The following RPAP1 variants were observed in gnomAD, a reference collection of about 807,000 sequenced individuals.
The protein encoded by RPAP1 is RNA polymerase II associated protein 1, also known as RNA polymerase II-associated protein 1.
Under a neutral mutation model 142.4 loss-of-function variants are expected in RPAP1, and 109 were observed. The ratio of observed to expected loss-of-function variants is 0.77; its 90% CI spans 0.66 to 0.90. The LOEUF (loss-of-function observed/expected upper bound fraction) is 0.90, where lower values mean the gene tolerates loss of function less well. RPAP1 is among the 40% of genes least tolerant of loss of function. The probability of loss-of-function intolerance (pLI) is 0.00; values close to 1 mark genes in which losing one functional copy is unlikely to be tolerated. For synonymous variants in RPAP1, 704 were observed against 738.9 expected (o/e 0.95, Z 0.77); for missense variants, 1,546 against 1,751.7 (o/e 0.88, Z 2.10).
chr15:41,517,754 C>T, intron 24 of RPAP1, 44 bp downstream of exon 24: 1 of 1,614,094 alleles, frequency 6.2e-7, no homozygotes, highest in African/African-American at 1.3e-5. Context: ...CTCTGTCCCC[C>T]AAGATCCTCT....
In RPAP1 at chr15:41,535,659, T is replaced by C. The variant is rs116817823; in HGVS notation, c.421-27A>G. 5.6e-4 allele frequency: 905 copies of C among 1,606,418 alleles called. 7 individuals carry two copies. The African/African-American group carries it at 0.011, about 19-fold the overall frequency. On this transcript the variant is annotated intron_variant, in intron 4 of 24. Coordinates refer to ENST00000304330, the MANE Select transcript of RPAP1 (RefSeq NM_015540.4). ...TGTGGGGCAAAAAGAAAACCCAGGT[T>C]ACTGATGCTCATCATCCCACTTTCC...
intron 1 of RPAP1, among the ~76,000 whole-genome samples, chr15:41,543,589 G>A (rs751829836): frequency 1.3e-5 from 2 of 152,102 alleles, no homozygotes; most frequent in Non-Finnish European, 2.9e-5. Flanking sequence ...AATGTGTGAG[G>A]ATTTAAATGA....
At chr15:41,523,422 G>T in intron 17 of RPAP1, 68 bp from the exon 18 acceptor site, 1 of 1,031,734 alleles carries the variant, frequency 9.7e-7, no homozygotes, top group Non-Finnish European at 1.4e-6. Context: ...TGTGTACCCA[G>T]GCCAATGCCA....
At chr15:41,536,302 C>G in intron 3 of RPAP1, 84 bp from the exon 4 acceptor site, 1 of 1,392,316 alleles carries the variant, frequency 7.2e-7, no homozygotes, top group Non-Finnish European at 1.0e-6. Flanking sequence ...CAGTTCTGAA[C>G]GATGAGAACC....
At chr15:41,531,684 G>A (rs574422028) in intron 6 of RPAP1, among the ~76,000 whole-genome samples, 8 of 131,974 alleles carry the variant, frequency 6.1e-5, no homozygotes, top group Non-Finnish European at 9.3e-5. Flanking sequence ...TGTGTCGCCC[G>A]GGCTGGAGTG....
At position 41,522,389 on chromosome 15, in the gene RPAP1, T is replaced by G. The variant is rs2051736236; in HGVS notation, c.2743-139A>C. On this transcript the variant is annotated intron_variant, in intron 19 of 24. Transcript: ENST00000304330. The stretch of plus-strand genomic sequence containing the variant: ...CCTTCCCCATGGGACACCCTCCCAC[T>G]TTCTTTTTGGTTTTTTTTGAGATGG... The G allele has an allele frequency of 7.3e-5, 60 of 825,880 alleles. No individual in the cohort carries two copies. The South Asian group carries it at 1.1e-3, about 15-fold the overall frequency. 51.2% of individuals were successfully genotyped at this position (825,880 alleles called of 1,614,324 possible).
chr15:41,531,020 A>C lies in RPAP1; in HGVS notation c.943+3T>G. On this transcript the variant is annotated splice_donor_region_variant and intron_variant, in intron 7 of 24. Coordinates refer to ENST00000304330, the MANE Select transcript of RPAP1 (RefSeq NM_015540.4). ...CAAAATATGACCCCCGCCTCCTGCAAACCTGGGGCTTCTGGCTCCAGCTTG... is the reference window on the plus strand; with the variant it reads ...CAAAATATGACCCCCGCCTCCTGCACACCTGGGGCTTCTGGCTCCAGCTTG... 6.2e-7 allele frequency: 1 copy of C among 1,607,946 alleles called. No homozygotes were observed. The highest frequency in any genetic ancestry group is 8.5e-7 in the Non-Finnish European group (1 of 1,174,892).
At chr15:41,541,283 C>T (rs1445652520) in intron 1 of RPAP1, among the ~76,000 whole-genome samples, 2 of 151,974 alleles carry the variant, frequency 1.3e-5, no homozygotes, top group East Asian at 3.9e-4. Context: ...ATTAGGCAGG[C>T]GTGGTGGCAT....
At chr15:41,520,096 G>C (rs2051708336) in intron 22 of RPAP1, 1 of 354,362 alleles carries the variant, frequency 2.8e-6, no homozygotes, top group Non-Finnish European at 5.3e-6. Context: ...ACCACGCCCA[G>C]CTAAGTTTTG....
In RPAP1 at chr15:41,523,309, A is replaced by G. The variant is rs1319196463; in HGVS notation, c.2482T>C (p.Ser828Pro). The G allele has an allele frequency of 6.2e-7, 1 of 1,612,286 alleles. No individual in the cohort carries two copies. Among genetic ancestry groups the G allele is most frequent in the Non-Finnish European group, 8.5e-7 (1 of 1,179,316 alleles). ...EDWLQDMQRL[S>P]EELLLPLLSQ... ...AGCAGTGGCAGCAGCAGCTCCTCTG[A>G]CAGGCGCTGCATGTCCTGGAGCCAA... Residue 828 changes from serine to proline, a missense_variant, in exon 18 of 25, where the codon TCA becomes CCA. By Grantham distance (74) the Ser-to-Pro change is moderately conservative. Around this residue, in one of 3 missense-constraint regions of RPAP1, gnomAD observed 1,333 missense variants for 1,486.6 expected, o/e 0.90. Coordinates refer to ENST00000304330, the MANE Select transcript of RPAP1 (RefSeq NM_015540.4).
Position 41,528,278 on chromosome 15 carries a change from T to C in RPAP1, c.1217A>G (p.Gln406Arg). The change falls in exon 10 of 25, where the codon CAG (glutamine) becomes CGG (arginine). Residue 406 changes from glutamine (Q) to arginine (R), a missense_variant. By Grantham distance (43) the Gln-to-Arg change is conservative. This residue lies in a region of RPAP1 where 1,333 missense variants were observed against 1,486.6 expected (regional missense o/e 0.90). Coordinates refer to ENST00000304330, the MANE Select transcript of RPAP1 (RefSeq NM_015540.4). ...TAACACATGCAGTGCCAGTGCTCTC[T>C]GCTGGGAAACCTGGCTGCGGGTCAG... ...FHLTRSQVSQ[Q>R]RALALHVLAQ... 6.2e-7 allele frequency: 1 copy of C among 1,609,080 alleles called. No homozygotes were observed.
At chr15:41,537,409 T>C (rs994930938) in intron 1 of RPAP1, among the ~76,000 whole-genome samples, 1 of 152,106 alleles carries the variant, frequency 6.6e-6, no homozygotes, top group East Asian at 1.9e-4. Context: ...TTACAATCTA[T>C]AGGTGATAAA....
chr15:41,532,278 C>T (rs1438561556), intron 6 of RPAP1, among the ~76,000 whole-genome samples: 1 of 152,140 alleles, frequency 6.6e-6, no homozygotes, highest in East Asian at 1.9e-4. Context: ...CCTCAGCCTC[C>T]CAAAGTGCTG....
In RPAP1 at chr15:41,535,509, CACCCTCT is replaced by C. The variant is rs1157806249; in HGVS notation, c.537_541+2del. 1 of 1,600,362 alleles carries C rather than the reference CACCCTCT, an allele frequency of 6.2e-7. No individual in the cohort carries two copies. Among genetic ancestry groups the C allele is most frequent in the Admixed American group, 1.8e-5 (1 of 55,458 alleles). Reference sequence around the variant, plus strand: ...AGCCCAATCCTCTTCAACCCCGGCTCACCCTCTGGTGGGCCCACGTTGGGCACAACTT... The same window carrying C: ...AGCCCAATCCTCTTCAACCCCGGCTCGGTGGGCCCACGTTGGGCACAACTT... On this transcript the variant is annotated splice_donor_variant and coding_sequence_variant, in exon 5 of 25. Coordinates refer to ENST00000304330, the MANE Select transcript of RPAP1 (RefSeq NM_015540.4). LOFTEE classifies it high-confidence loss of function.
In RPAP1 at chr15:41,520,890, G is replaced by C; in HGVS notation, c.3296C>G (p.Thr1099Ser). 6.2e-7 allele frequency: 1 copy of C among 1,613,644 alleles called. No individual in the cohort carries two copies. Among genetic ancestry groups the C allele is most frequent in the Non-Finnish European group, 8.5e-7 (1 of 1,180,040 alleles). Residue 1099 changes from threonine to serine, a missense_variant, in exon 22 of 25, where the codon ACC (threonine) becomes AGC (serine). Around this residue, in one of 3 missense-constraint regions of RPAP1, gnomAD observed 1,333 missense variants for 1,486.6 expected, o/e 0.90. Transcript: ENST00000304330. ...AATCAGTGGCAGGAAGGGCCAGTCG[G>C]TGGGCAGCAGCGGCTCCGTAGGCAT... ...LPMPTEPLLP[T>S]DWPFLPLIRL...
Position 41,522,960 on chromosome 15 carries a change from C to T in RPAP1, c.2547G>A (p.Arg849=), listed in dbSNP as rs1303025505. Residue 849 remains arginine (R), a splice_region_variant and synonymous_variant, in exon 19 of 25, where the codon AGG becomes AGA. Transcript: ENST00000304330. ...PTLGSLWDSL[R]HCSLLCNPLS... is the part of the protein sequence containing the mutation. Reference sequence around the variant, plus strand: ...GCGGGTTGCAGAGAAGGGAGCAGTGCCTGTAGGTGAAGTGGAGAGTCTGAG... The same window carrying T: ...GCGGGTTGCAGAGAAGGGAGCAGTGTCTGTAGGTGAAGTGGAGAGTCTGAG... 1 of 1,526,118 alleles carries T rather than the reference C, an allele frequency of 6.6e-7. No homozygotes were observed. Among genetic ancestry groups the T allele is most frequent in the African/African-American group, 1.4e-5 (1 of 70,358 alleles). 94.5% of individuals were successfully genotyped at this position (1,526,118 alleles called of 1,614,324 possible).
At chr15:41,522,477 G>A (rs1414700286) in intron 19 of RPAP1, 11 of 570,480 alleles carry the variant, frequency 1.9e-5, no homozygotes, top group African/African-American at 5.7e-5. Context: ...CGCAGCCTCC[G>A]CCTCCCGGGT....
At position 41,522,894 on chromosome 15, in the gene RPAP1, CA is replaced by C; in HGVS notation, c.2612del (p.Val871GlyfsTer117). The C allele has an allele frequency of 6.3e-7, 1 of 1,575,030 alleles. No homozygotes were observed. Among genetic ancestry groups the C allele is most frequent in the Non-Finnish European group, 8.6e-7 (1 of 1,168,282 alleles). On this transcript the variant is annotated frameshift_variant, in exon 19 of 25. Transcript: ENST00000304330. LOFTEE classifies it high-confidence loss of function. ...VPALEAPPSL[V>X]SLGCSGGCPR... Reference sequence around the variant, plus strand: ...GGCAGCCTCCCGAGCAGCCCAGTGACACGAGGCTGGGGGGAGCTTCAAGGGC... The same window carrying C: ...GGCAGCCTCCCGAGCAGCCCAGTGACCGAGGCTGGGGGGAGCTTCAAGGGC...
chr15:41,523,301 C>T lies in RPAP1; in HGVS notation c.2490G>A (p.Glu830=). The part of the protein sequence containing the change: ...WLQDMQRLSE[E]LLLPLLSQPT... ...GCTGACTCAGCAGTGGCAGCAGCAG[C>T]TCCTCTGACAGGCGCTGCATGTCCT... Residue 830 remains glutamate (E), a synonymous_variant, in exon 18 of 25, where the codon GAG becomes GAA. Coordinates refer to ENST00000304330, the MANE Select transcript of RPAP1 (RefSeq NM_015540.4). The T allele has an allele frequency of 1.9e-6, 3 of 1,612,764 alleles. No individual in the cohort carries two copies. In the South Asian group the frequency reaches 3.3e-5, roughly 18 times the overall value.
Sources: allele counts gnomAD v4.1 joint callset (sites outside exome capture counted in the v4.1 genomes callset), GRCh38; gene constraint gnomAD v4.1.1; regional missense constraint gnomAD v4.1.1; transcripts MANE v1.5; gene names NCBI Gene and HGNC (gene_info 2026-07-23, HGNC 2026-07-21).